The following ZNF717 variants were observed in gnomAD, a reference collection of about 807,000 sequenced individuals.
ZNF717 encodes the protein krueppel-like factor X17.
In ZNF717, 9 loss-of-function variants were observed where a neutral mutation model predicts 13.8. That is an observed-to-expected ratio of 0.65 (90% CI 0.39 to 1.14). The LOEUF (loss-of-function observed/expected upper bound fraction) is 1.14. Among genes scored for constraint, ZNF717 ranks in the 50% most tolerant of loss-of-function variants. The probability of loss-of-function intolerance (pLI) is 0.01; values close to 1 mark genes in which losing one functional copy is unlikely to be tolerated. For missense variants in ZNF717, 1,040 were observed against 1,080.7 expected, an observed-to-expected ratio of 0.96 and a Z score of 0.53; for synonymous variants, 327 against 364.1, an observed-to-expected ratio of 0.90 and a Z score of 1.16.
chr3:75,712,984 C>T (rs1312437260), intron 5 of ZNF717, among the ~76,000 whole-genome samples: 1 of 151,758 alleles, frequency 6.6e-6, no homozygotes, highest in Admixed American at 6.6e-5. Context: ...TGGTGGCTCA[C>T]ACCTGTAATC....
chr3:75,734,573 C>T (rs1178324573), downstream of ZNF717, among the ~76,000 whole-genome samples: 2 of 151,210 alleles, frequency 1.3e-5, no homozygotes, highest in East Asian at 2.0e-4. Context: ...GCTGGGACAA[C>T]AGACACCCAC....
At position 75,738,805 on chromosome 3, in the gene ZNF717, T is replaced by A. The variant is rs755110382; in HGVS notation, c.818A>T (p.His273Leu). The change falls in exon 5 of 5, where the codon CAT (histidine) becomes CTT (leucine). Residue 273 changes from histidine (H) to leucine (L), a missense_variant. Physicochemically the swap from His to Leu is moderately conservative, Grantham distance 99. Around this residue, in one of 3 missense-constraint regions of ZNF717, gnomAD observed 873 missense variants for 832.8 expected, o/e 1.05. Transcript: ENST00000652011. The stretch of plus-strand genomic sequence containing the variant: ...TTTCTCTCCTGTGTGTGTCTGCTGA[T>A]GTTTAGTGAAGTCAGACTTTCTACA... Reference protein sequence around the residue: ...TCCRKSDFTKHQQTHTGEKPY... With the variant: ...TCCRKSDFTKLQQTHTGEKPY... The A allele has an allele frequency of 6.4e-7, 1 of 1,552,718 alleles. No homozygotes were observed. Among genetic ancestry groups the A allele is most frequent in the East Asian group, 2.4e-5 (1 of 41,048 alleles).
At chr3:75,769,754 T>C (rs796830362) in intron 2 of ZNF717, among the ~76,000 whole-genome samples, 3 of 152,206 alleles carry the variant, frequency 2.0e-5, no homozygotes, top group East Asian at 1.9e-4. Context: ...AATCAACTAG[T>C]TTTAGTCCAT....
Position 75,736,882 on chromosome 3 carries a change from G to A in ZNF717, c.2741C>T (p.Pro914Leu), listed in dbSNP as rs1270517771. Reference sequence around the variant, plus strand: ...AGAGAGGTGTAGGTTGTGTGTTCAAGGGAAAAAAGAGTGATTTTGAGGGAA... The same window carrying A: ...AGAGAGGTGTAGGTTGTGTGTTCAAAGGAAAAAAGAGTGATTTTGAGGGAA... ...YVFPQNHSFF[P>L] The change falls in exon 5 of 5, where the codon CCT becomes CTT. Residue 914 changes from proline to leucine, a missense_variant. Physicochemically the swap from Pro to Leu is moderately conservative, Grantham distance 98. This residue lies in a region of ZNF717 where 44 missense variants were observed against 70.1 expected (regional missense o/e 0.63). Transcript: ENST00000652011. 9.7e-6 allele frequency: 15 copies of A among 1,545,586 alleles called. No individual in the cohort carries two copies. Among genetic ancestry groups the A allele is most frequent in the Non-Finnish European group, 7.0e-6 (8 of 1,144,234 alleles).
chr3:75,730,709 G>A (rs377262838), intron 5 of ZNF717: 1 of 673,476 alleles, frequency 1.5e-6, no homozygotes, highest in South Asian at 1.6e-5. Flanking sequence ...AGGATAACAA[G>A]GAACAAGTAC....
intron 2 of ZNF717, among the ~76,000 whole-genome samples, chr3:75,780,921 T>G (rs1944765712): frequency 6.6e-6 from 1 of 152,282 alleles, no homozygotes. Flanking sequence ...TACCTTCTAC[T>G]CAAGTCCTTG....
intron 4 of ZNF717, among the ~76,000 whole-genome samples, chr3:75,717,352 G>A (rs1171139459): frequency 6.6e-6 from 1 of 152,172 alleles, no homozygotes; most frequent in African/African-American, 2.4e-5. Flanking sequence ...TCTGTGAGCT[G>A]CTTTCCAAAT....
chr3:75,767,120 G>C (rs1166349179), intron 2 of ZNF717, among the ~76,000 whole-genome samples: 1 of 152,236 alleles, frequency 6.6e-6, no homozygotes, highest in Non-Finnish European at 1.5e-5. Flanking sequence ...CACTTATCCA[G>C]GAGAAAGCCA....
intron 2 of ZNF717, among the ~76,000 whole-genome samples, chr3:75,759,102 C>T (rs1435767813): frequency 1.3e-5 from 2 of 152,180 alleles, no homozygotes; most frequent in Non-Finnish European, 2.9e-5. Flanking sequence ...ACACTTTATA[C>T]AGCACAGTAT....
Position 75,738,200 on chromosome 3 carries a change from CTGTG to C in ZNF717, c.1419_1422del (p.His473GlnfsTer105), listed in dbSNP as rs1238725199. The C allele has an allele frequency of 3.2e-6, 5 of 1,552,492 alleles. No individual in the cohort carries two copies. In the South Asian group the frequency reaches 5.9e-5, roughly 18 times the overall value. On this transcript the variant is annotated frameshift_variant, in exon 5 of 5. Coordinates refer to ENST00000652011, the MANE Select transcript of ZNF717 (RefSeq NM_001290208.3). LOFTEE classifies it low-confidence loss of function (END_TRUNC). The stretch of plus-strand genomic sequence containing the variant: ...TCATTGCATTCATAGGGTTTTTCCC[CTGTG>C]TGAGTTCTCTGATGTAACCTGAGGT...
At chr3:75,781,300 T>C (rs1246661163) in intron 2 of ZNF717, among the ~76,000 whole-genome samples, 2 of 152,240 alleles carry the variant, frequency 1.3e-5, no homozygotes, top group Non-Finnish European at 2.9e-5. Flanking sequence ...AATGCTGAGT[T>C]GTTTCTGTAC....
rs1399252277 is a variant in ZNF717 at position 75,741,431 on chromosome 3, C to T, written c.185-63G>A. ...CTAAGTCAAATCCTTTTCAGAATGA[C>T]GACAGCTGGGCTTCAGGGACTGTGC... On this transcript the variant is annotated intron_variant, in intron 3 of 4. Transcript: ENST00000652011. 85 of 1,418,986 alleles carry T rather than the reference C, an allele frequency of 6.0e-5. No homozygotes were observed. In the South Asian group the frequency reaches 6.1e-4, roughly 10 times the overall value. The allele number at this position is 1,418,986 out of a possible 1,614,324, so 87.9% of individuals were successfully genotyped here.
At chr3:75,746,533 T>C (rs1475764405) in intron 2 of ZNF717, among the ~76,000 whole-genome samples, 7 of 152,164 alleles carry the variant, frequency 4.6e-5, no homozygotes, top group Non-Finnish European at 8.8e-5. Flanking sequence ...CCACATCCTC[T>C]CCAGCACCTG....
intron 6 of ZNF717, among the ~76,000 whole-genome samples, chr3:75,704,139 T>C (rs1406224050): frequency 1.1e-4 from 17 of 152,228 alleles, no homozygotes; most frequent in Non-Finnish European, 1.5e-4. Flanking sequence ...TTTCTCTTTA[T>C]AGTTACTTAT....
At chr3:75,707,300 CT>C (rs1376494366), downstream of ZNF717, among the ~76,000 whole-genome samples, 1 of 152,158 alleles carries the variant, frequency 6.6e-6, no homozygotes, top group Non-Finnish European at 1.5e-5. Flanking sequence ...TAAGAGTCCC[CT>C]TACAATACTC....
At position 75,749,862 on chromosome 3, in the gene ZNF717, C is replaced by T. The variant is rs1016619033; in HGVS notation, c.58-8126G>A. Among the ~76,000 whole-genome samples the T allele has an allele frequency of 2.0e-5, 3 of 151,850 alleles. No individual in the cohort carries two copies. In the Middle Eastern group the frequency reaches 0.01, roughly 520 times the overall value. The stretch of plus-strand genomic sequence containing the variant: ...CACATAGGATTCCAGAACACTCCTG[C>T]TGTGGTCTGAATGTTTGTCCCTCAC... On this transcript the variant is annotated intron_variant, in intron 2 of 4. Coordinates refer to ENST00000652011, the MANE Select transcript of ZNF717 (RefSeq NM_001290208.3).
At chr3:75,758,460 C>A (rs1942688420) in intron 2 of ZNF717, among the ~76,000 whole-genome samples, 1 of 151,654 alleles carries the variant, frequency 6.6e-6, no homozygotes, top group Non-Finnish European at 1.5e-5. Context: ...CAGGATTGAA[C>A]CCAATGATTT....
chr3:75,720,021 C>T (rs1280045040), intron 4 of ZNF717, among the ~76,000 whole-genome samples: 1 of 146,866 alleles, frequency 6.8e-6, no homozygotes, highest in Non-Finnish European at 1.5e-5. Flanking sequence ...TGCAAGGCTA[C>T]AGAGAAAAGG....
chr3:75,730,966 TGCAGTG>T (rs1173627455), downstream of ZNF717, among the ~76,000 whole-genome samples: 2 of 152,200 alleles, frequency 1.3e-5, no homozygotes, highest in Non-Finnish European at 2.9e-5. Context: ...AGTAGCCAGG[TGCAGTG>T]GCTCATGCCT....
Sources: allele counts gnomAD v4.1 joint callset (sites outside exome capture counted in the v4.1 genomes callset), GRCh38; gene constraint gnomAD v4.1.1; regional missense constraint gnomAD v4.1.1; transcripts MANE v1.5; gene names NCBI Gene and HGNC (gene_info 2026-07-23, HGNC 2026-07-21).